The following SH2D6 variants were observed in gnomAD, a reference collection of about 807,000 sequenced individuals.
The protein encoded by SH2D6 is SH2 domain-containing protein 6.
A neutral mutation model predicts 30.2 loss-of-function variants in SH2D6; 31 were observed. The observed-to-expected ratio is 1.03, with a 90% CI of 0.77 to 1.38. SH2D6 has a LOEUF of 1.38. SH2D6 is among the 40% of genes most tolerant of loss of function. The pLI, the probability that SH2D6 is intolerant of heterozygous loss-of-function variation, is 0.00. For synonymous variants in SH2D6, 93 were observed against 104.6 expected, an observed-to-expected ratio of 0.89 and a Z score of 0.68; for missense variants, 240 against 266.8, an observed-to-expected ratio of 0.90 and a Z score of 0.70.
chr2:85,435,653 G>T lies in SH2D6; in HGVS notation c.733-13G>T. On this transcript the variant is annotated splice_polypyrimidine_tract_variant and intron_variant, in intron 21 of 23. Transcript: ENST00000469800. ...TTGGAAGATGAGGTTGATGGCTGGG[G>T]TCTCCTCCACAGGATGGGGCCTATA... The T allele has an allele frequency of 6.3e-7, 1 of 1,589,842 alleles. No homozygotes were observed. The highest frequency in any genetic ancestry group is 8.6e-7 in the Non-Finnish European group (1 of 1,166,642).
chr2:85,430,099 C>T lies in SH2D6; in HGVS notation c.64+84C>T, dbSNP rs1195822521. ...CCCCCCTGAGTGACTCTGCACACCT[C>T]CTGCCTCCCAGAGCCCAGCACTGCT... On this transcript the variant is annotated intron_variant, in intron 10 of 23. Coordinates refer to ENST00000469800, the MANE Select transcript of SH2D6 (RefSeq NM_001394463.1). The surrounding 1 kb of genome is among the most constrained non-coding windows in gnomAD (Gnocchi z 4.3). The T allele has an allele frequency of 6.6e-6, 1 of 152,670 alleles. No individual in the cohort carries two copies. The highest frequency in any genetic ancestry group is 1.5e-5 in the Non-Finnish European group (1 of 68,218). The allele number at this position is 152,670 out of a possible 1,614,324, so 9.5% of individuals were successfully genotyped here.
intron 5 of SH2D6, among the ~76,000 whole-genome samples, chr2:85,423,948 C>T (rs551460187): frequency 4.6e-5 from 7 of 152,356 alleles, no homozygotes; most frequent in East Asian, 1.9e-4. Context: ...AACCTGAGCA[C>T]CTGCTCTGGC....
intron 14 of SH2D6, among the ~76,000 whole-genome samples, chr2:85,432,633 C>T (rs1248265452): frequency 2.0e-5 from 3 of 152,234 alleles, no homozygotes; most frequent in East Asian, 3.9e-4. Flanking sequence ...ATCTCCTGAC[C>T]TCGTGATCCG....
intron 5 of SH2D6, among the ~76,000 whole-genome samples, chr2:85,423,231 TTTG>T (rs1687813035): frequency 6.6e-6 from 1 of 150,664 alleles, no homozygotes; most frequent in African/African-American, 2.4e-5. Flanking sequence ...TTTGTTTTGT[TTTG>T]TTTTTTGAGA....
rs2104939146 is a variant in SH2D6 at position 85,434,018 on chromosome 2, C to A, written c.455-15C>A. The stretch of plus-strand genomic sequence containing the variant: ...TGGTGCTCAGCCGAGCCCAGCCTGC[C>A]CCTCCCTGTTTCAGTCCTGGCTTTG... On this transcript the variant is annotated splice_polypyrimidine_tract_variant and intron_variant, in intron 16 of 23. Coordinates refer to ENST00000469800, the MANE Select transcript of SH2D6 (RefSeq NM_001394463.1). 6.5e-7 allele frequency: 1 copy of A among 1,549,238 alleles called. No homozygotes were observed. The highest frequency in any genetic ancestry group is 1.2e-5 in the South Asian group (1 of 83,948).
intron 19 of SH2D6, 49 bp from the exon 20 acceptor site, chr2:85,435,016 C>CCCCCACCCCACCCCA: frequency 6.6e-7 from 1 of 1,508,102 alleles, no homozygotes; most frequent in Non-Finnish European, 8.9e-7. Context: ...CCTTTGCCCA[C>CCCCCACCCCACCCCA]CCCCACCCCA....
intron 3 of SH2D6, 55 bp downstream of exon 3, chr2:85,422,369 CTT>C: frequency 6.6e-6 from 1 of 152,194 alleles, no homozygotes; most frequent in East Asian, 1.9e-4. Flanking sequence ...TGCTCTCTCT[CTT>C]TGTCATATTC....
chr2:85,431,023 C>T (rs1688559770), intron 12 of SH2D6, among the ~76,000 whole-genome samples, 187 bp from the exon 13 acceptor site: 1 of 152,130 alleles, frequency 6.6e-6, no homozygotes, highest in South Asian at 2.1e-4. Flanking sequence ...CTCAGCTCCT[C>T]GGCCAGGTTG....
chr2:85,434,404 A>T (rs1409018612), intron 18 of SH2D6, 34 bp downstream of exon 18: 1 of 1,550,548 alleles, frequency 6.4e-7, no homozygotes, highest in Non-Finnish European at 8.7e-7. Flanking sequence ...GAAGAGAGGG[A>T]GGCAGGGAGG....
intron 15 of SH2D6, among the ~76,000 whole-genome samples, chr2:85,433,329 C>T (rs533929741): frequency 1.3e-3 from 196 of 152,358 alleles, no homozygotes; most frequent in Non-Finnish European, 1.8e-3. Flanking sequence ...TCCTCACACT[C>T]TCTGAGAGCT....
At chr2:85,436,779 C>A in intron 23 of SH2D6, 58 bp from the exon 24 acceptor site, 1 of 559,638 alleles carries the variant, frequency 1.8e-6, no homozygotes, top group South Asian at 2.0e-5. Flanking sequence ...TCACCTAGAG[C>A]CTTCCACTGC....
intron 2 of SH2D6, among the ~76,000 whole-genome samples, chr2:85,419,830 C>G (rs1305634577): frequency 6.6e-6 from 1 of 152,166 alleles, no homozygotes; most frequent in African/African-American, 2.4e-5. Flanking sequence ...AGAAACAGCT[C>G]CAAAAGGGAT....
chr2:85,422,448 G>T lies in SH2D6; in HGVS notation c.-446G>T, dbSNP rs1233260383. Reference sequence around the variant, plus strand: ...CCTTAAGTCAACAGGACACAGAATGGTCTGCCTGGGCCTCAGTCACATTGG... The same window carrying T: ...CCTTAAGTCAACAGGACACAGAATGTTCTGCCTGGGCCTCAGTCACATTGG... On this transcript the variant is annotated 5_prime_UTR_variant, in exon 4 of 24. Transcript: ENST00000469800. 6.6e-6 allele frequency: 1 copy of T among 152,186 alleles called. No individual in the cohort carries two copies. The highest frequency in any genetic ancestry group is 1.9e-4 in the East Asian group (1 of 5,202). The allele number at this position is 152,186 out of a possible 1,614,324, so 9.4% of individuals were successfully genotyped here.
At chr2:85,423,571 G>A (rs1687832383) in intron 5 of SH2D6, among the ~76,000 whole-genome samples, 1 of 152,192 alleles carries the variant, frequency 6.6e-6, no homozygotes, top group South Asian at 2.1e-4. Context: ...ACTGCCAGGG[G>A]AGACAGAGGG....
intron 7 of SH2D6, among the ~76,000 whole-genome samples, chr2:85,428,907 C>T (rs1013276314): frequency 1.2e-4 from 19 of 152,328 alleles, no homozygotes; most frequent in African/African-American, 4.6e-4. Context: ...ACGCCTGGAA[C>T]AGCCTCTGGC....
chr2:85,429,068 A>G (rs1345389381), intron 7 of SH2D6, among the ~76,000 whole-genome samples: 1 of 152,244 alleles, frequency 6.6e-6, no homozygotes, highest in African/African-American at 2.4e-5. Flanking sequence ...GCAAATGACA[A>G]CAGTAGTAAA....
chr2:85,432,395 T>TTTG (rs201153676), intron 14 of SH2D6, among the ~76,000 whole-genome samples: 2 of 68,214 alleles, frequency 2.9e-5, no homozygotes, highest in South Asian at 4.4e-4. Flanking sequence ...ATTTTTTTTG[T>TTTG]TTTGTTTTGT....
Position 85,434,118 on chromosome 2 carries a change from G to A in SH2D6, c.533+7G>A, listed in dbSNP as rs973240885. 36 of 1,550,276 alleles carry A rather than the reference G, an allele frequency of 2.3e-5. No homozygotes were observed. In the African/African-American group the frequency reaches 4.7e-4, roughly 20 times the overall value. On this transcript the variant is annotated splice_region_variant and intron_variant, in intron 17 of 23. Transcript: ENST00000469800. ...GGACATCAGTGGTGCCCAGGTAAGT[G>A]CCCCACCAGGTGTGCACCTGTGTGT... is the stretch of plus-strand genomic sequence containing the variant.
chr2:85,434,910 T>C (rs1183180149), intron 19 of SH2D6, 155 bp from the exon 20 acceptor site: 2 of 1,593,072 alleles, frequency 1.3e-6, no homozygotes, highest in African/African-American at 1.3e-5. Context: ...GCACTGGATC[T>C]GGAGAGTGGA....
Sources: allele counts gnomAD v4.1 joint callset (sites outside exome capture counted in the v4.1 genomes callset), GRCh38; gene constraint gnomAD v4.1.1; non-coding constraint Gnocchi (gnomAD v3.1); transcripts MANE v1.5; gene names NCBI Gene and HGNC (gene_info 2026-07-23, HGNC 2026-07-21).